PALLD: variants seen among roughly 807,000 people sequenced by gnomAD.
The protein encoded by PALLD is palladin, cytoskeletal associated protein, also known as palladin.
In PALLD, 61 loss-of-function variants were observed where a neutral mutation model predicts 123.5. The observed-to-expected ratio is 0.49, with a 90% CI of 0.40 to 0.61. The LOEUF is 0.61. Among genes scored for constraint, PALLD ranks in the 20% least tolerant of loss-of-function variants. The pLI is 0.00. For missense variants in PALLD, 1,273 were observed against 1,377.0 expected (o/e 0.92, Z 1.20); for synonymous variants, 465 against 496.4 (o/e 0.94, Z 0.84).
intron 10 of PALLD, 64 bp from the exon 11 acceptor site, chr4:168,890,858 A>C (rs775798297): frequency 5.2e-5 from 81 of 1,562,036 alleles, no homozygotes; most frequent in Non-Finnish European, 7.0e-5. Flanking sequence ...GTTGGACTTG[A>C]ACGTTTGACT....
intron 2 of PALLD, among the ~76,000 whole-genome samples, chr4:168,624,180 T>A (rs1422254760): frequency 1.4e-5 from 2 of 144,656 alleles, no homozygotes; most frequent in Non-Finnish European, 3.0e-5. Flanking sequence ...TACAGAAAAT[T>A]CTAAATGAAT....
intron 8 of PALLD, among the ~76,000 whole-genome samples, chr4:168,695,206 T>G (rs946169546): frequency 1.3e-5 from 2 of 152,342 alleles, no homozygotes; most frequent in African/African-American, 4.8e-5. Flanking sequence ...ATTCTCTGAT[T>G]CAAAATATAA....
intron 10 of PALLD, among the ~76,000 whole-genome samples, chr4:168,822,885 A>G (rs1742920649): frequency 6.6e-6 from 1 of 152,176 alleles, no homozygotes. Context: ...ATAGAATACA[A>G]TGGTAAATAG....
intron 10 of PALLD, among the ~76,000 whole-genome samples, chr4:168,801,023 A>T (rs1417372151): frequency 6.6e-6 from 1 of 152,258 alleles, no homozygotes; most frequent in Non-Finnish European, 1.5e-5. Context: ...GAATACAGTC[A>T]GATTCCACTG....
chr4:168,499,617 A>C (rs1761182824), intron 1 of PALLD, among the ~76,000 whole-genome samples: 1 of 152,198 alleles, frequency 6.6e-6, no homozygotes, highest in African/African-American at 2.4e-5. Context: ...CAAAATAAGC[A>C]ACAAAAGATC....
At chr4:168,599,907 C>G (rs1580507367) in intron 2 of PALLD, among the ~76,000 whole-genome samples, 1 of 152,088 alleles carries the variant, frequency 6.6e-6, no homozygotes, top group African/African-American at 2.4e-5. Context: ...ATATCACACA[C>G]ACACACATAT....
intron 2 of PALLD, among the ~76,000 whole-genome samples, chr4:168,571,925 A>G (rs1440140495): frequency 6.6e-6 from 1 of 152,158 alleles, no homozygotes; most frequent in Non-Finnish European, 1.5e-5. Flanking sequence ...ACTGAGTTAC[A>G]GCATTTTTTA....
intron 2 of PALLD, among the ~76,000 whole-genome samples, chr4:168,563,323 C>G (rs1000698986): frequency 4.6e-5 from 7 of 152,142 alleles, no homozygotes; most frequent in African/African-American, 1.7e-4. Flanking sequence ...CAGTTAAAGG[C>G]ATGTCTTTTC....
In PALLD at chr4:168,710,658, T is replaced by A. The variant is rs144284722; in HGVS notation, c.1622-923T>A. On this transcript the variant is annotated intron_variant, in intron 9 of 21. Transcript: ENST00000505667. Reference sequence around the variant, plus strand: ...GGAAATGGTTTCTGTGAATGACTACTGTAAGTGCTGAAAGAAACCTAAGTG... The same window carrying A: ...GGAAATGGTTTCTGTGAATGACTACAGTAAGTGCTGAAAGAAACCTAAGTG... Among the ~76,000 whole-genome samples, 842 of 152,312 alleles carry A rather than the reference T, an allele frequency of 5.5e-3. 6 individuals are homozygous for A. Among genetic ancestry groups the A allele is most frequent in the African/African-American group, 0.019 (796 of 41,568 alleles).
At chr4:168,757,600 G>A (rs1732065781) in intron 10 of PALLD, among the ~76,000 whole-genome samples, 1 of 152,220 alleles carries the variant, frequency 6.6e-6, no homozygotes, top group African/African-American at 2.4e-5. Flanking sequence ...TCTCAGGACA[G>A]TTCCATGTCC....
At chr4:168,843,273 C>G (rs1416788783) in intron 10 of PALLD, among the ~76,000 whole-genome samples, 1 of 152,144 alleles carries the variant, frequency 6.6e-6, no homozygotes, top group East Asian at 1.9e-4. Flanking sequence ...AACCTCTAGA[C>G]CAGGGGAACA....
intron 10 of PALLD, among the ~76,000 whole-genome samples, chr4:168,818,742 A>G (rs1742309258): frequency 6.6e-6 from 1 of 152,258 alleles, no homozygotes; most frequent in African/African-American, 2.4e-5. Flanking sequence ...CAAAAAATTT[A>G]GAAGTCAAAT....
chr4:168,837,059 C>T (rs933066780), intron 10 of PALLD, among the ~76,000 whole-genome samples: 4 of 152,122 alleles, frequency 2.6e-5, no homozygotes, highest in African/African-American at 7.2e-5. Flanking sequence ...AATAAAGGTA[C>T]ACAGAGATAC....
intron 2 of PALLD, among the ~76,000 whole-genome samples, chr4:168,600,281 C>A (rs535921378): frequency 6.6e-6 from 1 of 152,246 alleles, no homozygotes; most frequent in Non-Finnish European, 1.5e-5. Flanking sequence ...TTCTACCATT[C>A]CTAGTGGCTA....
intron 1 of PALLD, among the ~76,000 whole-genome samples, chr4:168,502,896 C>G (rs1481229692): frequency 6.6e-6 from 1 of 152,098 alleles, no homozygotes; most frequent in Non-Finnish European, 1.5e-5. Flanking sequence ...AGAATGAGAC[C>G]CTCACTCAAA....
chr4:168,624,950 A>T (rs959113759), intron 2 of PALLD, among the ~76,000 whole-genome samples: 3 of 152,106 alleles, frequency 2.0e-5, no homozygotes, highest in African/African-American at 7.2e-5. Flanking sequence ...TCTTAGCTAG[A>T]AAGACTTGAT....
At chr4:168,785,846 G>GAT (rs6148775) in intron 10 of PALLD, among the ~76,000 whole-genome samples, 11,795 of 80,408 alleles carry the variant, frequency 0.15, 1,226 homozygotes, top group Admixed American at 0.2. Context: ...AAACTGTAGA[G>GAT]ATATATATAT....
chr4:168,734,255 G>C (rs1043411431), intron 10 of PALLD, among the ~76,000 whole-genome samples: 1 of 151,628 alleles, frequency 6.6e-6, no homozygotes, highest in Non-Finnish European at 1.5e-5. Flanking sequence ...ATAAAATAAC[G>C]GTATAAGTCC....
At position 168,816,413 on chromosome 4, in the gene PALLD, ATT is replaced by A. The variant is rs1554088403; in HGVS notation, c.1965-74502_1965-74501del. 4.9e-3 allele frequency among the ~76,000 whole-genome samples: 661 copies of A among 135,940 alleles called. 2 individuals are homozygous for A. The highest frequency in any genetic ancestry group is 0.013 in the African/African-American group (415 of 33,164). The allele number at this position is 135,940 out of a possible 152,430, so 89.2% of individuals were successfully genotyped here. A position where few individuals can be genotyped will look rare whatever the true frequency, so the allele number is the denominator to read the frequency against. Reference sequence around the variant, plus strand: ...TGTATATATATATATATATATATATATTTTTTTTAAGTATTAGATTGGAGTGC... The same window carrying A: ...TGTATATATATATATATATATATATATTTTTTAAGTATTAGATTGGAGTGC... On this transcript the variant is annotated intron_variant, in intron 10 of 21. Transcript: ENST00000505667.
Sources: allele counts gnomAD v4.1 joint callset (sites outside exome capture counted in the v4.1 genomes callset), GRCh38; gene constraint gnomAD v4.1.1; transcripts MANE v1.5; gene names NCBI Gene and HGNC (gene_info 2026-07-23, HGNC 2026-07-21).